The following ODAD2 variants were observed in gnomAD, a reference collection of about 807,000 sequenced individuals.
The protein encoded by ODAD2 is outer dynein arm docking complex subunit 2.
Under a neutral mutation model 106.8 loss-of-function variants are expected in ODAD2, and 89 were observed. The ratio of observed to expected loss-of-function variants is 0.83; its 90% confidence interval spans 0.70 to 0.99. The LOEUF is 0.99. ODAD2 is among the 50% of genes least tolerant of loss of function. The pLI, the probability that ODAD2 is intolerant of heterozygous loss-of-function variation, is 0.00. For synonymous variants in ODAD2, 404 were observed against 436.2 expected (o/e 0.93, Z 0.92); for missense variants, 1,168 against 1,238.5 (o/e 0.94, Z 0.85).
In ODAD2 at chr10:27,944,796, A is replaced by C. The variant is rs758778095; in HGVS notation, c.1533+20T>G. ...AAGGTGGGAACAAGACTCCGCATCC[A>C]AGGTGACAGAGCCACTCACCTTACA... is the stretch of plus-strand genomic sequence containing the variant. On this transcript the variant is annotated intron_variant, in intron 11 of 19. Transcript: ENST00000305242. The C allele has an allele frequency of 6.2e-7, 1 of 1,614,034 alleles. No individual in the cohort carries two copies. The highest frequency in any genetic ancestry group is 8.5e-7 in the Non-Finnish European group (1 of 1,179,926).
intron 7 of ODAD2, 132 bp from the exon 8 acceptor site, chr10:27,971,445 A>G (rs1351473982): frequency 1.4e-6 from 1 of 715,762 alleles, no homozygotes; most frequent in African/African-American, 1.8e-5. Context: ...AGTAACAGCT[A>G]AACAAGGACA....
chr10:27,924,041 AAG>A (rs1845051549), intron 16 of ODAD2, among the ~76,000 whole-genome samples: 2 of 145,272 alleles, frequency 1.4e-5, no homozygotes, highest in African/African-American at 5.5e-5. Context: ...AGAAAGAAAG[AAG>A]GAAAGAGAAA....
At chr10:27,885,565 TATATATATATATAAATATATAAATATAA>T (rs1842055952) in intron 17 of ODAD2, among the ~76,000 whole-genome samples, 10 of 40,406 alleles carry the variant, frequency 2.5e-4, no homozygotes, top group Non-Finnish European at 4.6e-4. Flanking sequence ...TAAATATAAA[TATATATATATATAAATATATAAATATAA>T]ATATATATAT....
intron 2 of ODAD2, among the ~76,000 whole-genome samples, chr10:27,990,378 G>A (rs1850150576): frequency 6.6e-6 from 1 of 152,152 alleles, no homozygotes; most frequent in Non-Finnish European, 1.5e-5. Context: ...GTCTTGCTAT[G>A]TTGCCCATGC....
At chr10:27,920,864 A>G (rs1387357651) in intron 16 of ODAD2, among the ~76,000 whole-genome samples, 1 of 152,084 alleles carries the variant, frequency 6.6e-6, no homozygotes, top group Non-Finnish European at 1.5e-5. Context: ...AAAAACTGAA[A>G]AAAAAAAACT....
intron 16 of ODAD2, among the ~76,000 whole-genome samples, chr10:27,918,041 G>A (rs1404077568): frequency 6.6e-6 from 1 of 151,224 alleles, no homozygotes; most frequent in Non-Finnish European, 1.5e-5. Context: ...AATTAAAAAG[G>A]AATCCTTTTC....
At chr10:27,873,802 T>C (rs1214283837) in intron 17 of ODAD2, among the ~76,000 whole-genome samples, 11 of 152,262 alleles carry the variant, frequency 7.2e-5, no homozygotes, top group East Asian at 1.9e-4. Flanking sequence ...GGAATAAGTG[T>C]GATGTGGTGC....
chr10:27,976,561 T>C (rs546018787), intron 7 of ODAD2, among the ~76,000 whole-genome samples: 1 of 152,278 alleles, frequency 6.6e-6, no homozygotes, highest in African/African-American at 2.4e-5. Flanking sequence ...ACCTGTATAT[T>C]GAAAGCTACA....
intron 7 of ODAD2, among the ~76,000 whole-genome samples, chr10:27,974,212 C>G (rs1279925959): frequency 6.6e-6 from 1 of 152,124 alleles, no homozygotes; most frequent in African/African-American, 2.4e-5. Flanking sequence ...AATATATTCT[C>G]CCATTCTGTA....
intron 19 of ODAD2, among the ~76,000 whole-genome samples, chr10:27,819,877 T>TTA (rs903995484): frequency 6.6e-6 from 1 of 152,086 alleles, no homozygotes; most frequent in African/African-American, 2.4e-5. Context: ...CAAGTGCTAT[T>TTA]GGGTTGCTAG....
chr10:27,927,826 A>G (rs987499572), intron 16 of ODAD2, among the ~76,000 whole-genome samples: 7 of 152,078 alleles, frequency 4.6e-5, no homozygotes, highest in Non-Finnish European at 7.4e-5. Flanking sequence ...TTCTCCTTAA[A>G]TGATTGAGTT....
chr10:27,874,065 G>A (rs952340066), intron 17 of ODAD2, among the ~76,000 whole-genome samples: 9 of 152,148 alleles, frequency 5.9e-5, no homozygotes, highest in African/African-American at 2.2e-4. Flanking sequence ...ATATATTTAG[G>A]ATAGTTAGTT....
At chr10:27,848,430 A>T (rs569792015) in intron 19 of ODAD2, among the ~76,000 whole-genome samples, 1 of 152,250 alleles carries the variant, frequency 6.6e-6, no homozygotes, top group Admixed American at 6.5e-5. Context: ...TTCAAGATGG[A>T]TTAAAGACCT....
In ODAD2 at chr10:27,995,037, C is replaced by T. The variant is rs1554826498; in HGVS notation, c.106G>A (p.Val36Met). ...LNEAILKEII[V>M]FVESFIYKHP... ...TTATAGATAAAACTCTCCACAAACA[C>T]AATAATTTCTTTCAATATCGCTTCA... Residue 36 changes from valine to methionine, a missense_variant, in exon 2 of 20, where the codon GTG becomes ATG. This residue lies in a region of ODAD2 where 430 missense variants were observed against 452.2 expected (regional missense o/e 0.95). Coordinates refer to ENST00000305242, the MANE Select transcript of ODAD2 (RefSeq NM_018076.5). 1 of 1,614,148 alleles carries T rather than the reference C, an allele frequency of 6.2e-7. No individual in the cohort carries two copies. The highest frequency in any genetic ancestry group is 8.5e-7 in the Non-Finnish European group (1 of 1,180,010).
chr10:27,885,278 G>A (rs191014044), intron 17 of ODAD2, among the ~76,000 whole-genome samples: 1,948 of 150,930 alleles, frequency 0.013, 40 homozygotes, highest in African/African-American at 0.044. Context: ...TTGGGAGGTC[G>A]AGGTGGGCAG....
chr10:27,853,727 A>T (rs1195962092), intron 19 of ODAD2, among the ~76,000 whole-genome samples: 1 of 152,194 alleles, frequency 6.6e-6, no homozygotes, highest in Non-Finnish European at 1.5e-5. Flanking sequence ...ATGAACTTTG[A>T]TTCATAATTA....
chr10:27,951,334 C>G (rs1338695569), intron 10 of ODAD2, among the ~76,000 whole-genome samples: 2 of 152,164 alleles, frequency 1.3e-5, no homozygotes, highest in African/African-American at 4.8e-5. Flanking sequence ...AGGTACCTAT[C>G]TGGTCTACCA....
At chr10:27,972,597 A>C (rs1196902205) in intron 7 of ODAD2, among the ~76,000 whole-genome samples, 3 of 152,166 alleles carry the variant, frequency 2.0e-5, no homozygotes, top group African/African-American at 7.2e-5. Flanking sequence ...GTTTATGCAA[A>C]CAATAATCAA....
chr10:27,813,364 G>A (rs149473503), intron 19 of ODAD2: 173 of 152,262 alleles, frequency 1.1e-3, no homozygotes, highest in African/African-American at 3.9e-3. Context: ...TTACTCAAAT[G>A]TCTGTTGCTA....
Sources: gnomAD v4.1 joint callset for allele counts (sites outside exome capture counted in the v4.1 genomes callset) on GRCh38, gnomAD v4.1.1 for gene constraint, gnomAD v4.1.1 regional missense constraint, MANE v1.5 for transcripts, NCBI Gene and HGNC (gene_info 2026-07-23, HGNC 2026-07-21) for gene names.